Variants in MTPAP observed in about 807,000 individuals in gnomAD.
The protein encoded by MTPAP is mitochondrial poly(A) polymerase, also known as poly(A) RNA polymerase, mitochondrial.
MTPAP carries 23 observed loss-of-function variants against 48.7 expected under a neutral mutation model. The ratio of observed to expected loss-of-function variants is 0.47; its 90% CI spans 0.34 to 0.67. MTPAP has a LOEUF of 0.67. Among genes scored for constraint, MTPAP ranks in the 30% least tolerant of loss-of-function variants. The pLI, the probability that MTPAP is intolerant of heterozygous loss-of-function variation, is 0.01. For synonymous variants in MTPAP, 257 were observed against 254.1 expected (o/e 1.01, Z -0.11); for missense variants, 614 against 694.3 (o/e 0.88, Z 1.30).
chr10:30,334,609 C>A (rs1489150115), intron 4 of MTPAP, among the ~76,000 whole-genome samples: 1 of 151,922 alleles, frequency 6.6e-6, no homozygotes, highest in Admixed American at 6.6e-5. Context: ...TGCAGCGGGC[C>A]AAGATCATGC....
intron 8 of MTPAP, among the ~76,000 whole-genome samples, chr10:30,314,322 T>G (rs1221385402): frequency 6.6e-6 from 1 of 151,686 alleles, no homozygotes; most frequent in Non-Finnish European, 1.5e-5. Context: ...AGGTAGAGCA[T>G]GAAAGGGAAA....
intron 4 of MTPAP, among the ~76,000 whole-genome samples, chr10:30,329,078 T>C (rs770338969): frequency 1.1e-4 from 17 of 151,290 alleles, no homozygotes; most frequent in Non-Finnish European, 2.2e-4. Flanking sequence ...ACCCCATCTC[T>C]ACTAAAAATA....
chr10:30,316,191 T>C lies in MTPAP; in HGVS notation c.1239A>G (p.Val413=), dbSNP rs759984871. Residue 413 remains valine (V), a synonymous_variant, in exon 7 of 9, where the codon GTA becomes GTG. Transcript: ENST00000263063. ...CAAATGTGCAGTTGTTGCCTTCTAT[T>C]ACACATTTATCTTCTGCATCTTAAA... is the stretch of plus-strand genomic sequence containing the variant. The part of the protein sequence containing the change: ...KTLADAEDKC[V]IEGNNCTFVR... The C allele has an allele frequency of 6.2e-7, 1 of 1,613,826 alleles. No individual in the cohort carries two copies. Among genetic ancestry groups the C allele is most frequent in the Non-Finnish European group, 8.5e-7 (1 of 1,179,784 alleles).
chr10:30,333,034 T>C lies in MTPAP; in HGVS notation c.780+3769A>G, dbSNP rs559019240. 3.3e-5 allele frequency among the ~76,000 whole-genome samples: 5 copies of C among 151,786 alleles called. No homozygotes were observed. The South Asian group carries it at 1.0e-3, about 32-fold the overall frequency. ...TACTCGGGAGGCTGAGGCAGGAGAA[T>C]AGTGTGAACCCGGGAGGCGGAGCTT... is the stretch of plus-strand genomic sequence containing the variant. On this transcript the variant is annotated intron_variant, in intron 4 of 8. Transcript: ENST00000263063.
intron 5 of MTPAP, among the ~76,000 whole-genome samples, chr10:30,324,551 C>T (rs1386837203): frequency 6.6e-6 from 1 of 151,780 alleles, no homozygotes; most frequent in Non-Finnish European, 1.5e-5. Flanking sequence ...GAGACACTGT[C>T]TCTAAAAAAG....
Position 30,349,259 on chromosome 10 carries a change from A to T in MTPAP, c.17T>A (p.Val6Glu). Residue 6 changes from valine to glutamate, a missense_variant, in exon 1 of 9, where the codon GTG (valine) becomes GAG (glutamate). Coordinates refer to ENST00000263063, the MANE Select transcript of MTPAP (RefSeq NM_018109.4). ...CAGGTTCAAACGGGTCAAGAGCCCC[A>T]CGCCGGGAACCGCCATTGCTAAAAA... is the stretch of plus-strand genomic sequence containing the variant. MAVPG[V>E]GLLTRLNLCA... 7.1e-7 allele frequency: 1 copy of T among 1,402,678 alleles called. No individual in the cohort carries two copies. Among genetic ancestry groups the T allele is most frequent in the Non-Finnish European group, 9.7e-7 (1 of 1,035,036 alleles). The allele number at this position is 1,402,678 out of a possible 1,614,324, so 86.9% of individuals were successfully genotyped here.
intron 5 of MTPAP, among the ~76,000 whole-genome samples, chr10:30,324,219 AC>A (rs1834553177): frequency 6.6e-6 from 1 of 152,110 alleles, no homozygotes; most frequent in Admixed American, 6.6e-5. Flanking sequence ...ATCGATAAAG[AC>A]AAAAAGGCAT....
At chr10:30,329,373 A>ACACACCAC (rs1355233054) in intron 4 of MTPAP, among the ~76,000 whole-genome samples, 1 of 152,074 alleles carries the variant, frequency 6.6e-6, no homozygotes, top group Non-Finnish European at 1.5e-5. Context: ...AACTACAGGT[A>ACACACCAC]CACACCACCA....
At chr10:30,314,893 A>C (rs1477077987) in intron 8 of MTPAP, among the ~76,000 whole-genome samples, 4 of 146,450 alleles carry the variant, frequency 2.7e-5, no homozygotes, top group African/African-American at 8.0e-5. Context: ...ACAAAAAAAA[A>C]AAAAAAAAAA....
Position 30,322,685 on chromosome 10 carries a change from C to T in MTPAP, c.993-68G>A, listed in dbSNP as rs2484284. 1,121,135 of 1,121,300 alleles carry T rather than the reference C, an allele frequency of 1. 560,486 individuals carry two copies. Among genetic ancestry groups the T allele is most frequent in the East Asian group, 1 (39,030 of 39,030 alleles). 69.5% of individuals were successfully genotyped at this position (1,121,300 alleles called of 1,614,324 possible). A position where few individuals can be genotyped will look rare whatever the true frequency, so the allele number is the denominator to read the frequency against. On this transcript the variant is annotated intron_variant, in intron 5 of 8. Coordinates refer to ENST00000263063, the MANE Select transcript of MTPAP (RefSeq NM_018109.4). ...TATAAACCAAGGGTAAAATTAAACT[C>T]AAACCAAGAAACACATCTAAATATC... is the stretch of plus-strand genomic sequence containing the variant.
At chr10:30,327,839 C>A (rs1588715900) in intron 4 of MTPAP, among the ~76,000 whole-genome samples, 1 of 146,394 alleles carries the variant, frequency 6.8e-6, no homozygotes, top group Non-Finnish European at 1.5e-5. Context: ...AAGCAAGACT[C>A]CATCTCAAAA....
intron 6 of MTPAP, among the ~76,000 whole-genome samples, chr10:30,316,545 T>C (rs1840664597): frequency 6.7e-6 from 1 of 148,988 alleles, no homozygotes; most frequent in Non-Finnish European, 1.5e-5. Context: ...ACCCAGCCTA[T>C]TTCACATATT....
At chr10:30,320,699 C>G (rs1038928817) in intron 6 of MTPAP, among the ~76,000 whole-genome samples, 1 of 152,106 alleles carries the variant, frequency 6.6e-6, no homozygotes, top group African/African-American at 2.4e-5. Flanking sequence ...GGAGGAAAGA[C>G]AACATAAGCC....
intron 4 of MTPAP, among the ~76,000 whole-genome samples, chr10:30,329,155 G>A (rs1344262548): frequency 6.6e-6 from 1 of 152,000 alleles, no homozygotes; most frequent in Non-Finnish European, 1.5e-5. Context: ...GGCTGAAGCA[G>A]GAGAATAGCT....
intron 5 of MTPAP, among the ~76,000 whole-genome samples, chr10:30,323,624 C>T (rs1447378301): frequency 6.6e-6 from 1 of 152,110 alleles, no homozygotes; most frequent in African/African-American, 2.4e-5. Context: ...ATTCTCCTGC[C>T]TCAGCCTCCC....
intron 3 of MTPAP, among the ~76,000 whole-genome samples, chr10:30,338,852 A>C (rs570027983): frequency 2.0e-5 from 3 of 151,598 alleles, no homozygotes; most frequent in Admixed American, 6.6e-5. Flanking sequence ...GGCCAGGTGC[A>C]GTGGCTCACG....
chr10:30,344,929 C>T (rs1834855441), intron 1 of MTPAP, among the ~76,000 whole-genome samples: 1 of 152,184 alleles, frequency 6.6e-6, no homozygotes, highest in Admixed American at 6.5e-5. Flanking sequence ...CTCTTGAACT[C>T]CTGACCTCAG....
chr10:30,331,955 A>G (rs999066930), intron 4 of MTPAP, among the ~76,000 whole-genome samples: 1 of 152,214 alleles, frequency 6.6e-6, no homozygotes, highest in Non-Finnish European at 1.5e-5. Context: ...ACATGCAAAA[A>G]AGTCTAACAC....
chr10:30,327,713 G>GCA (rs1448221037), intron 4 of MTPAP, among the ~76,000 whole-genome samples: 1 of 151,548 alleles, frequency 6.6e-6, no homozygotes, highest in African/African-American at 2.4e-5. Flanking sequence ...AGGCATGGTG[G>GCA]CATGCACCTG....
Sources: gnomAD v4.1 joint callset for allele counts (sites outside exome capture counted in the v4.1 genomes callset) on GRCh38, gnomAD v4.1.1 for gene constraint, MANE v1.5 for transcripts, NCBI Gene and HGNC (gene_info 2026-07-23, HGNC 2026-07-21) for gene names.